The following MYT1L variants were observed in gnomAD, a reference collection of about 807,000 sequenced individuals.
MYT1L encodes myelin transcription factor 1 like.
In MYT1L, 12 loss-of-function variants were observed where a neutral mutation model predicts 126.7. The observed-to-expected ratio is 0.09, with a 90% CI of 0.06 to 0.15. The LOEUF (loss-of-function observed/expected upper bound fraction) is 0.15. MYT1L is among the 10% of genes least tolerant of loss of function. MYT1L has a pLI of 1.00. For missense variants in MYT1L, 979 were observed against 1,585.2 expected, an observed-to-expected ratio of 0.62 and a Z score of 6.49; for synonymous variants, 541 against 604.2, an observed-to-expected ratio of 0.90 and a Z score of 1.53.
chr2:1,940,752 C>A (rs116658185), intron 9 of MYT1L, among the ~76,000 whole-genome samples: 1,600 of 152,370 alleles, frequency 0.011, 29 homozygotes, highest in African/African-American at 0.037. Context: ...AGGCACCCCA[C>A]AATTAACTAT....
chr2:2,157,227 A>C (rs2086878097), intron 3 of MYT1L, among the ~76,000 whole-genome samples: 1 of 152,238 alleles, frequency 6.6e-6, no homozygotes, highest in African/African-American at 2.4e-5. Flanking sequence ...ATATAATGAA[A>C]TCATATAATC....
intron 1 of MYT1L, among the ~76,000 whole-genome samples, chr2:2,295,741 C>CAG (rs1264676606): frequency 2.9e-4 from 8 of 27,626 alleles, no homozygotes; most frequent in South Asian, 1.1e-3. Context: ...GACAGACAGA[C>CAG]AGAGAGAGAG....
At chr2:1,973,274 T>A (rs1354460778) in intron 8 of MYT1L, among the ~76,000 whole-genome samples, 5 of 152,254 alleles carry the variant, frequency 3.3e-5, no homozygotes, top group Non-Finnish European at 5.9e-5. Context: ...TGTAATCAGT[T>A]AATAGTAATC....
At position 1,910,392 on chromosome 2, in the gene MYT1L, T is replaced by C. The variant is rs1284289768; in HGVS notation, c.1710-45A>G. 6.6e-7 allele frequency: 1 copy of C among 1,518,552 alleles called. No homozygotes were observed. The highest frequency in any genetic ancestry group is 1.4e-5 in the African/African-American group (1 of 73,050). The allele number at this position is 1,518,552 out of a possible 1,614,324, so 94.1% of individuals were successfully genotyped here. A position where few individuals can be genotyped will look rare whatever the true frequency, so the allele number is the denominator to read the frequency against. ...GTTGAATGGTCCCGCCTCAAACACCTTCACAGCACACTAATCCTCCCTTAG... is the reference window on the plus strand; with the variant it reads ...GTTGAATGGTCCCGCCTCAAACACCCTCACAGCACACTAATCCTCCCTTAG... On this transcript the variant is annotated intron_variant, in intron 12 of 24. Transcript: ENST00000647738. The surrounding 1 kb of genome is among the most constrained non-coding windows in gnomAD (Gnocchi z 4.8).
chr2:2,241,478 G>A (rs1028756017), intron 2 of MYT1L, among the ~76,000 whole-genome samples: 1 of 152,194 alleles, frequency 6.6e-6, no homozygotes, highest in Admixed American at 6.5e-5. Flanking sequence ...TATGAGGCCA[G>A]GAACTCATTG....
chr2:1,884,777 T>A (rs929719741), intron 18 of MYT1L, among the ~76,000 whole-genome samples: 1 of 152,114 alleles, frequency 6.6e-6, no homozygotes, highest in Non-Finnish European at 1.5e-5. Flanking sequence ...AGATACAGTC[T>A]CCCCTCCAGG....
At chr2:2,141,870 T>C (rs767271757) in intron 3 of MYT1L, among the ~76,000 whole-genome samples, 5 of 152,170 alleles carry the variant, frequency 3.3e-5, no homozygotes, top group South Asian at 2.1e-4. Context: ...ACTTTAAACA[T>C]TGAGAAACTT....
intron 2 of MYT1L, among the ~76,000 whole-genome samples, chr2:2,236,561 A>C (rs1415935718): frequency 1.6e-5 from 2 of 121,982 alleles, no homozygotes; most frequent in Non-Finnish European, 3.4e-5. Flanking sequence ...TCCCAACCCA[A>C]CCCAGTATGT....
chr2:1,816,616 C>T (rs1231951450), intron 21 of MYT1L: 1 of 152,894 alleles, frequency 6.5e-6, no homozygotes, highest in Non-Finnish European at 1.5e-5. Context: ...GCTGCTGAGG[C>T]TACGCCAAGA....
intron 5 of MYT1L, among the ~76,000 whole-genome samples, chr2:1,995,036 C>T (rs533687930): frequency 6.6e-6 from 1 of 151,596 alleles, no homozygotes; most frequent in South Asian, 2.1e-4. Flanking sequence ...CGTTATTCCA[C>T]AGAAAAGTCA....
At chr2:2,060,384 A>G (rs1448781523) in intron 3 of MYT1L, among the ~76,000 whole-genome samples, 1 of 152,168 alleles carries the variant, frequency 6.6e-6, no homozygotes, top group Non-Finnish European at 1.5e-5. Flanking sequence ...TTCCCCCTTT[A>G]ACAAGGGTAC....
chr2:1,986,146 A>G (rs1326399361), intron 5 of MYT1L, among the ~76,000 whole-genome samples: 1 of 152,260 alleles, frequency 6.6e-6, no homozygotes, highest in Non-Finnish European at 1.5e-5. Context: ...TAAACTAATT[A>G]CATTGTACTA....
At chr2:2,196,387 T>A (rs1205813911) in intron 2 of MYT1L, among the ~76,000 whole-genome samples, 1 of 152,068 alleles carries the variant, frequency 6.6e-6, no homozygotes, top group Non-Finnish European at 1.5e-5. Flanking sequence ...CTGCTTGTAA[T>A]CCAGAGATAC....
chr2:2,229,176 G>A (rs1287846644), intron 2 of MYT1L, among the ~76,000 whole-genome samples: 1 of 152,020 alleles, frequency 6.6e-6, no homozygotes, highest in Non-Finnish European at 1.5e-5. Flanking sequence ...TATACAAATA[G>A]AATCACATTA....
rs116240420 is a variant in MYT1L at position 2,149,019 on chromosome 2, G to A, written c.-304+23853C>T. 4.9e-3 allele frequency among the ~76,000 whole-genome samples: 741 copies of A among 152,166 alleles called. 7 individuals carry two copies. The highest frequency in any genetic ancestry group is 0.017 in the African/African-American group (717 of 41,510). On this transcript the variant is annotated intron_variant, in intron 3 of 24. Coordinates refer to ENST00000647738, the MANE Select transcript of MYT1L (RefSeq NM_001303052.2). ...TCCATGATATGTTCTGGAGGCGGCTGTCACCAAGAGGGAAAAATCCCATAG... is the reference window on the plus strand; with the variant it reads ...TCCATGATATGTTCTGGAGGCGGCTATCACCAAGAGGGAAAAATCCCATAG...
intron 2 of MYT1L, among the ~76,000 whole-genome samples, chr2:2,197,834 A>G (rs989000205): frequency 6.6e-6 from 1 of 151,574 alleles, no homozygotes; most frequent in African/African-American, 2.4e-5. Flanking sequence ...CACGCACACA[A>G]CGAATGTGTA....
At chr2:1,923,793 G>A (rs1340969266) in intron 9 of MYT1L, among the ~76,000 whole-genome samples, 1 of 152,162 alleles carries the variant, frequency 6.6e-6, no homozygotes, top group Non-Finnish European at 1.5e-5. Flanking sequence ...AGTCAGGCAG[G>A]GGTGCCGGCT....
intron 3 of MYT1L, among the ~76,000 whole-genome samples, chr2:2,151,592 G>A (rs760819004): frequency 6.6e-6 from 1 of 152,174 alleles, no homozygotes; most frequent in Non-Finnish European, 1.5e-5. Context: ...TCTTGTTCAT[G>A]GGGGATATGT....
chr2:2,319,400 T>C (rs2096122536), intron 1 of MYT1L: 1 of 152,072 alleles, frequency 6.6e-6, no homozygotes, highest in Non-Finnish European at 1.5e-5. Context: ...AAAGGCTTGC[T>C]GCGTTGGAAC....
Sources: gnomAD v4.1 joint callset for allele counts (sites outside exome capture counted in the v4.1 genomes callset) on GRCh38, gnomAD v4.1.1 for gene constraint, Gnocchi (gnomAD v3.1) non-coding constraint, MANE v1.5 for transcripts, NCBI Gene and HGNC (gene_info 2026-07-23, HGNC 2026-07-21) for gene names.